Variants in ZFHX2 observed in about 807,000 individuals in gnomAD.
ZFHX2 encodes the protein zinc finger homeobox 2, also known as zinc finger homeobox protein 2.
A neutral mutation model predicts 164.8 loss-of-function variants in ZFHX2; 75 were observed. That is an observed-to-expected ratio of 0.46 (90% CI 0.38 to 0.55). The LOEUF is 0.55. Among genes scored for constraint, ZFHX2 ranks in the 20% least tolerant of loss-of-function variants. ZFHX2 has a pLI of 0.00. For synonymous variants in ZFHX2, 1,217 were observed against 1,351.4 expected, an observed-to-expected ratio of 0.90 and a Z score of 2.18; for missense variants, 2,933 against 3,308.0, an observed-to-expected ratio of 0.89 and a Z score of 2.78.
chr14:23,521,946 A>G lies in ZFHX2; in HGVS notation c.*16T>C. On this transcript the variant is annotated 3_prime_UTR_variant, in exon 10 of 10. Transcript: ENST00000419474. ...AGCCCTGAGGCCCTCCCCTCTCCCCATCTTGGTTAATCTGTTTATAAAGCT... is the reference window on the plus strand; with the variant it reads ...AGCCCTGAGGCCCTCCCCTCTCCCCGTCTTGGTTAATCTGTTTATAAAGCT... 7 of 1,535,874 alleles carry G rather than the reference A, an allele frequency of 4.6e-6. No individual in the cohort carries two copies. Among genetic ancestry groups the G allele is most frequent in the Non-Finnish European group, 6.1e-6 (7 of 1,146,826 alleles).
At chr14:23,542,096 G>A (rs1880884519) in intron 1 of ZFHX2, 1 of 152,524 alleles carries the variant, frequency 6.6e-6, no homozygotes, top group Non-Finnish European at 1.5e-5. Context: ...GAGAGGGAGA[G>A]GTAAGGAAGT....
rs1007473137 is a variant in ZFHX2, at chr14:23,522,162, G to A, written c.7519C>T (p.Arg2507Cys). 69 of 1,505,188 alleles carry A rather than the reference G, an allele frequency of 4.6e-5. No homozygotes were observed. The highest frequency in any genetic ancestry group is 1.8e-4 in the African/African-American group (13 of 72,330). The allele number at this position is 1,505,188 out of a possible 1,614,324, so 93.2% of individuals were successfully genotyped here. ...CLACEVLLSGREALASHLRSS... is the reference protein window; with the variant it reads ...CLACEVLLSGCEALASHLRSS... Reference sequence around the variant, plus strand: ...CGCAGGTGGGAGGCTAGGGCTTCACGCCCACTCAGCAGCACCTCACATGCC... The same window carrying A: ...CGCAGGTGGGAGGCTAGGGCTTCACACCCACTCAGCAGCACCTCACATGCC... The change falls in exon 10 of 10, where the codon CGT (arginine) becomes TGT (cysteine). Residue 2507 changes from arginine (R) to cysteine (C), a missense_variant. By Grantham distance (180) the Arg-to-Cys change is radical (BLOSUM62 -3). Coordinates refer to ENST00000419474, the MANE Select transcript of ZFHX2 (RefSeq NM_033400.3).
chr14:23,542,743 T>G (rs1163538619), intron 1 of ZFHX2, among the ~76,000 whole-genome samples: 1 of 151,934 alleles, frequency 6.6e-6, no homozygotes, highest in East Asian at 1.9e-4. Context: ...TAGGAAAACA[T>G]TCTTTTTTTT....
chr14:23,553,558 C>A (rs1338892674), upstream of ZFHX2, among the ~76,000 whole-genome samples: 5 of 149,934 alleles, frequency 3.3e-5, no homozygotes, highest in Admixed American at 6.6e-5. Context: ...AAGATCACAC[C>A]ATTGCACTCC....
In ZFHX2 at chr14:23,525,928, A is replaced by C. The variant is rs1403306854; in HGVS notation, c.4014T>G (p.Pro1338=). Residue 1338 remains proline, a synonymous_variant, in exon 9 of 10, where the codon CCT becomes CCG. Coordinates refer to ENST00000419474, the MANE Select transcript of ZFHX2 (RefSeq NM_033400.3). The surrounding 1 kb of genome is among the most constrained non-coding windows in gnomAD (Gnocchi z 5.9). ...PPLDLHRFPA[P]LFTPPVLPPF... The stretch of plus-strand genomic sequence containing the variant: ...GGGGCAGGACTGGTGGGGTGAAGAG[A>C]GGGGCTGGGAATCGGTGCAGGTCCA... 1 of 1,368,426 alleles carries C rather than the reference A, an allele frequency of 7.3e-7. No individual in the cohort carries two copies. The highest frequency in any genetic ancestry group is 2.7e-5 in the East Asian group (1 of 37,316). 84.8% of individuals were successfully genotyped at this position (1,368,426 alleles called of 1,614,324 possible). A position where few individuals can be genotyped will look rare whatever the true frequency, so the allele number is the denominator to read the frequency against.
chr14:23,528,598 C>T (rs1311501105), intron 6 of ZFHX2: 29 of 985,418 alleles, frequency 2.9e-5, no homozygotes, highest in Non-Finnish European at 3.5e-5. Flanking sequence ...CACTCTGCCT[C>T]TGTGAACCAT....
At chr14:23,545,988 T>C (rs1466810799) in intron 1 of ZFHX2, among the ~76,000 whole-genome samples, 3 of 152,220 alleles carry the variant, frequency 2.0e-5, no homozygotes, top group Non-Finnish European at 4.4e-5. Context: ...AATTGACTCT[T>C]GACCTCTAGC....
intron 1 of ZFHX2, among the ~76,000 whole-genome samples, chr14:23,547,099 GGTGA>G (rs1366619833): frequency 6.6e-6 from 1 of 152,154 alleles, no homozygotes; most frequent in Non-Finnish European, 1.5e-5. Flanking sequence ...TGAGAGTTGT[GGTGA>G]GTTTTACATC....
In ZFHX2 at chr14:23,525,915, G is replaced by A. The variant is rs1878640914; in HGVS notation, c.4027C>T (p.Pro1343Ser). The change falls in exon 9 of 10, where the codon CCA becomes TCA. Residue 1343 changes from proline (P) to serine (S), a missense_variant. Pro to Ser is a moderately conservative substitution (Grantham distance 74). Transcript: ENST00000419474. This position sits in a 1 kb window ranked among gnomAD's most constrained non-coding sequence, Gnocchi z 5.9. ...ACCAGAGGGAAGGGGGGCAGGACTG[G>A]TGGGGTGAAGAGAGGGGCTGGGAAT... The part of the protein sequence containing the change: ...HRFPAPLFTP[P>S]VLPPFPLVPE... 1.4e-6 allele frequency: 2 copies of A among 1,472,728 alleles called. No homozygotes were observed. The highest frequency in any genetic ancestry group is 9.0e-7 in the Non-Finnish European group (1 of 1,115,590). The allele number at this position is 1,472,728 out of a possible 1,614,324, so 91.2% of individuals were successfully genotyped here.
rs1007901214 is a variant in ZFHX2, at chr14:23,525,075, C to T, written c.4867G>A (p.Gly1623Arg). The change falls in exon 9 of 10, where the codon GGA (glycine) becomes AGA (arginine). Residue 1623 changes from glycine (G) to arginine (R), a missense_variant. Coordinates refer to ENST00000419474, the MANE Select transcript of ZFHX2 (RefSeq NM_033400.3). This position sits in a 1 kb window ranked among gnomAD's most constrained non-coding sequence, Gnocchi z 5.9. ...FFETSAYPKDGEVERLASLLG... is the reference protein window; with the variant it reads ...FFETSAYPKDREVERLASLLG... ...AGACTTGCGAGTCGCTCCACCTCTC[C>T]GTCTTTGGGGTAGGCGCTAGTCTCA... 1.7e-5 allele frequency: 26 copies of T among 1,536,138 alleles called. No homozygotes were observed. Among genetic ancestry groups the T allele is most frequent in the South Asian group, 7.1e-5 (6 of 84,058 alleles).
In ZFHX2 at chr14:23,526,979, A is replaced by G; in HGVS notation, c.3136-6T>C. On this transcript the variant is annotated splice_polypyrimidine_tract_variant and splice_region_variant and intron_variant, in intron 7 of 9. Coordinates refer to ENST00000419474, the MANE Select transcript of ZFHX2 (RefSeq NM_033400.3). ...GTCATTTCTACAGTTGTAGCCTGCA[A>G]TGAGAAAAAGCCTAGTGGCTTCACC... 6.6e-7 allele frequency: 1 copy of G among 1,503,970 alleles called. No homozygotes were observed. Among genetic ancestry groups the G allele is most frequent in the Non-Finnish European group, 8.8e-7 (1 of 1,132,278 alleles). The allele number at this position is 1,503,970 out of a possible 1,614,324, so 93.2% of individuals were successfully genotyped here. A position where few individuals can be genotyped will look rare whatever the true frequency, so the allele number is the denominator to read the frequency against.
chr14:23,548,793 G>A (rs955116840), intron 1 of ZFHX2, among the ~76,000 whole-genome samples: 1 of 152,052 alleles, frequency 6.6e-6, no homozygotes, highest in African/African-American at 2.4e-5. Flanking sequence ...CTCTTCTGGG[G>A]CTTCGCCCAG....
intron 4 of ZFHX2, 135 bp from the exon 5 acceptor site, chr14:23,530,329 A>T: frequency 8.1e-6 from 6 of 742,464 alleles, no homozygotes; most frequent in Non-Finnish European, 9.4e-6. Context: ...GTAGGAGAGT[A>T]TGAAAAGCCA....
chr14:23,541,252 C>T (rs1880777127), intron 1 of ZFHX2, among the ~76,000 whole-genome samples: 1 of 151,604 alleles, frequency 6.6e-6, no homozygotes, highest in South Asian at 2.1e-4. Context: ...AATCTCTGCC[C>T]TTTTCAACTG....
At position 23,524,376 on chromosome 14, in the gene ZFHX2, T is replaced by G. The variant is rs1051236914; in HGVS notation, c.5566A>C (p.Arg1856=). The G allele has an allele frequency of 9.1e-6, 14 of 1,536,092 alleles. No individual in the cohort carries two copies. Among genetic ancestry groups the G allele is most frequent in the Non-Finnish European group, 1.2e-5 (14 of 1,146,918 alleles). ...AGGGGEGEPP[R]DKRLRTTILP... is the part of the protein sequence containing the mutation. ...ATGGTGGTGCGCAGGCGCTTGTCCC[T>G]GGGGGGCTCGCCCTCCCCTCCTCCC... is the stretch of plus-strand genomic sequence containing the variant. Residue 1856 remains arginine, a synonymous_variant, in exon 9 of 10, where the codon AGG becomes CGG. Transcript: ENST00000419474. This position sits in a 1 kb window ranked among gnomAD's most constrained non-coding sequence, Gnocchi z 5.6.
Position 23,524,600 on chromosome 14 carries a change from T to C in ZFHX2, c.5342A>G (p.Gln1781Arg), listed in dbSNP as rs750593446. Residue 1781 changes from glutamine to arginine, a missense_variant, in exon 9 of 10, where the codon CAG becomes CGG. Coordinates refer to ENST00000419474, the MANE Select transcript of ZFHX2 (RefSeq NM_033400.3). This position sits in a 1 kb window ranked among gnomAD's most constrained non-coding sequence, Gnocchi z 5.6. ...CDQCAISFSS[Q>R]DLLTSHRRLH... Reference sequence around the variant, plus strand: ...TCGGCGGTGACTGGTCAGGAGGTCCTGGCTGGAGAAAGAAATGGCACACTG... The same window carrying C: ...TCGGCGGTGACTGGTCAGGAGGTCCCGGCTGGAGAAAGAAATGGCACACTG... 1.3e-6 allele frequency: 2 copies of C among 1,536,258 alleles called. No individual in the cohort carries two copies. The highest frequency in any genetic ancestry group is 2.4e-5 in the South Asian group (2 of 84,028).
At position 23,547,037 on chromosome 14, in the gene ZFHX2, G is replaced by A. The variant is rs79317276; in HGVS notation, c.-50+4306C>T. ...GTGATTCCTGATTGGGTGCATGTTTGTTTTCTATAGCTTCTGTGTATTTAG... is the reference window on the plus strand; with the variant it reads ...GTGATTCCTGATTGGGTGCATGTTTATTTTCTATAGCTTCTGTGTATTTAG... On this transcript the variant is annotated intron_variant, in intron 1 of 9. Transcript: ENST00000419474. 3.1e-3 allele frequency among the ~76,000 whole-genome samples: 470 copies of A among 152,324 alleles called. 15 individuals are homozygous for A. In the East Asian group the frequency reaches 0.07, roughly 23 times the overall value.
chr14:23,521,938 C>G lies in ZFHX2; in HGVS notation c.*24G>C, dbSNP rs138238447. 1.0e-4 allele frequency: 153 copies of G among 1,535,544 alleles called. No homozygotes were observed. In the African/African-American group the frequency reaches 1.1e-3, roughly 11 times the overall value. ...AAAGAGGGAGCCCTGAGGCCCTCCCCTCTCCCCATCTTGGTTAATCTGTTT... is the reference window on the plus strand; with the variant it reads ...AAAGAGGGAGCCCTGAGGCCCTCCCGTCTCCCCATCTTGGTTAATCTGTTT... On this transcript the variant is annotated 3_prime_UTR_variant, in exon 10 of 10. Transcript: ENST00000419474.
rs1312630470 is a variant in ZFHX2, at chr14:23,523,724, C to T, written c.6218G>A (p.Ser2073Asn). 3 of 1,536,396 alleles carry T rather than the reference C, an allele frequency of 2.0e-6. No individual in the cohort carries two copies. Among genetic ancestry groups the T allele is most frequent in the Admixed American group, 3.9e-5 (2 of 51,004 alleles). ...MGQRRYRTQMSSLQLKIMKAC... is the reference protein window; with the variant it reads ...MGQRRYRTQMNSLQLKIMKAC... ...TTTCATGATCTTCAGCTGCAGGCTG[C>T]TCATCTGGGTCCTGTAGCGCCGCTG... The change falls in exon 9 of 10, where the codon AGC (serine) becomes AAC (asparagine). Residue 2073 changes from serine (S) to asparagine (N), a missense_variant. Coordinates refer to ENST00000419474, the MANE Select transcript of ZFHX2 (RefSeq NM_033400.3). This position sits in a 1 kb window ranked among gnomAD's most constrained non-coding sequence, Gnocchi z 4.1.
Sources: gnomAD v4.1 joint callset for allele counts (sites outside exome capture counted in the v4.1 genomes callset) on GRCh38, gnomAD v4.1.1 for gene constraint, Gnocchi (gnomAD v3.1) non-coding constraint, MANE v1.5 for transcripts, NCBI Gene and HGNC (gene_info 2026-07-23, HGNC 2026-07-21) for gene names.